TMEM117: variants seen among roughly 807,000 people sequenced by gnomAD.
TMEM117 encodes transmembrane protein 117.
Under a neutral mutation model 52.4 loss-of-function variants are expected in TMEM117, and 27 were observed. The observed-to-expected ratio is 0.51, with a 90% CI of 0.38 to 0.71. The LOEUF (loss-of-function observed/expected upper bound fraction) is 0.71. Ranked by LOEUF, TMEM117 falls within the 30% of genes least tolerant of loss-of-function variation. The pLI, the probability that TMEM117 is intolerant of heterozygous loss-of-function variation, is 0.00. For synonymous variants in TMEM117, 215 were observed against 206.3 expected (o/e 1.04, Z -0.36); for missense variants, 556 against 630.5 (o/e 0.88, Z 1.26).
chr12:44,371,775 A>C (rs1951866659), intron 6 of TMEM117, among the ~76,000 whole-genome samples: 1 of 152,176 alleles, frequency 6.6e-6, no homozygotes, highest in South Asian at 2.1e-4. Flanking sequence ...AGATATCCTG[A>C]GACGATCTTG....
In TMEM117 at chr12:44,323,340, T is replaced by C. The variant is rs542337476; in HGVS notation, c.768+23601T>C. ...ACTAATACACTTGATTTTCTCCACA[T>C]CTTTCCCAACACTGAGTGTTAACTG... On this transcript the variant is annotated intron_variant, in intron 6 of 7. Transcript: ENST00000266534. 2.6e-5 allele frequency among the ~76,000 whole-genome samples: 4 copies of C among 152,316 alleles called. No individual in the cohort carries two copies. In the South Asian group the frequency reaches 8.3e-4, roughly 32 times the overall value.
chr12:44,090,839 G>GTTTT (rs1264179472), intron 3 of TMEM117, among the ~76,000 whole-genome samples: 1,567 of 104,500 alleles, frequency 0.015, 223 homozygotes, highest in African/African-American at 0.058. Context: ...GTATTTATGT[G>GTTTT]TTTTTTTTTG....
At chr12:44,159,704 A>G (rs1316926062) in intron 4 of TMEM117, among the ~76,000 whole-genome samples, 4 of 152,192 alleles carry the variant, frequency 2.6e-5, no homozygotes, top group African/African-American at 9.7e-5. Context: ...TACCCTAAAC[A>G]TAAGTATATT....
intron 3 of TMEM117, among the ~76,000 whole-genome samples, chr12:43,958,081 A>G (rs1248795446): frequency 6.6e-6 from 1 of 152,206 alleles, no homozygotes; most frequent in Non-Finnish European, 1.5e-5. Flanking sequence ...GAGGAAATAC[A>G]TAGTGAACTC....
At chr12:44,387,962 T>C (rs1450318366) in intron 7 of TMEM117, 64 bp from the exon 8 acceptor site, 1 of 1,382,310 alleles carries the variant, frequency 7.2e-7, no homozygotes, top group African/African-American at 1.4e-5. Flanking sequence ...CTCATTTTAT[T>C]GTAGAAAACC....
At chr12:43,834,451 GA>G (rs1449620408), upstream of TMEM117, among the ~76,000 whole-genome samples, 1 of 152,054 alleles carries the variant, frequency 6.6e-6, no homozygotes, top group Non-Finnish European at 1.5e-5. Flanking sequence ...CGTAGTGGGA[GA>G]AAAAAGAAGT....
chr12:43,906,688 G>A (rs1944395072), intron 2 of TMEM117, among the ~76,000 whole-genome samples: 1 of 152,236 alleles, frequency 6.6e-6, no homozygotes, highest in African/African-American at 2.4e-5. Context: ...CTCAGGAAGT[G>A]CAAGGGGTCA....
intron 5 of TMEM117, among the ~76,000 whole-genome samples, chr12:44,299,253 C>T (rs1950807149): frequency 6.6e-6 from 1 of 151,850 alleles, no homozygotes; most frequent in Non-Finnish European, 1.5e-5. Flanking sequence ...GCCTCAGCCT[C>T]CCAAGTAGCT....
chr12:43,999,275 G>C (rs567962783), intron 3 of TMEM117, among the ~76,000 whole-genome samples: 2 of 152,270 alleles, frequency 1.3e-5, no homozygotes, highest in African/African-American at 4.8e-5. Context: ...ACTCCTGTTT[G>C]TGTGTCATGC....
chr12:43,850,904 A>C (rs1408035449), intron 2 of TMEM117, among the ~76,000 whole-genome samples: 3 of 152,134 alleles, frequency 2.0e-5, no homozygotes, highest in African/African-American at 7.2e-5. Context: ...TGTTGTGTGT[A>C]TGTTGGGAGG....
chr12:44,097,893 A>G (rs1009994560), intron 3 of TMEM117, among the ~76,000 whole-genome samples: 1 of 151,902 alleles, frequency 6.6e-6, no homozygotes, highest in African/African-American at 2.4e-5. Flanking sequence ...AAATACAGTA[A>G]TCTGGAATAG....
intron 6 of TMEM117, among the ~76,000 whole-genome samples, chr12:44,368,673 C>G (rs138895668): frequency 6.6e-6 from 1 of 152,048 alleles, no homozygotes; most frequent in East Asian, 1.9e-4. Context: ...GCAGCATGTG[C>G]GGAGCCAGAA....
At chr12:44,296,890 C>A (rs539591366) in intron 5 of TMEM117, among the ~76,000 whole-genome samples, 22 of 152,164 alleles carry the variant, frequency 1.4e-4, no homozygotes, top group Non-Finnish European at 2.8e-4. Context: ...TAGCCAAGTT[C>A]ATAGGGGGCT....
At chr12:43,932,636 C>T (rs1455597251) in intron 2 of TMEM117, among the ~76,000 whole-genome samples, 1 of 152,150 alleles carries the variant, frequency 6.6e-6, no homozygotes, top group East Asian at 1.9e-4. Context: ...TCAGCTTTCT[C>T]ATTTATTAAT....
intron 3 of TMEM117, among the ~76,000 whole-genome samples, chr12:44,025,770 A>T (rs1946523415): frequency 6.6e-6 from 1 of 152,226 alleles, no homozygotes; most frequent in Non-Finnish European, 1.5e-5. Context: ...TTTAAATATG[A>T]TAACAGATGG....
At chr12:43,939,252 GGGCCAAATCATATATAGGTT>G (rs1438460191) in intron 2 of TMEM117, among the ~76,000 whole-genome samples, 1 of 152,050 alleles carries the variant, frequency 6.6e-6, no homozygotes, top group Admixed American at 6.6e-5. Flanking sequence ...ATATATGGGT[GGGCCAAATCATATATAGGTT>G]GGCCAAATCA....
At chr12:43,944,687 A>T (rs1565762472) in intron 3 of TMEM117, among the ~76,000 whole-genome samples, 1 of 152,166 alleles carries the variant, frequency 6.6e-6, no homozygotes, top group Non-Finnish European at 1.5e-5. Context: ...TGGGGCTAAG[A>T]TGAAGGTTTC....
intron 2 of TMEM117, among the ~76,000 whole-genome samples, chr12:43,845,526 A>C (rs1489902109): frequency 6.6e-6 from 1 of 150,902 alleles, no homozygotes; most frequent in Non-Finnish European, 1.5e-5. Context: ...TCATTTTTTA[A>C]AAACTTTTTT....
intron 6 of TMEM117, among the ~76,000 whole-genome samples, chr12:44,355,771 A>AAGC (rs142003266): frequency 0.019 from 2,921 of 152,168 alleles, 97 homozygotes; most frequent in African/African-American, 0.067. Flanking sequence ...GCACCAGAAT[A>AAGC]AGCAGGGGTA....
Sources: allele counts gnomAD v4.1 joint callset (sites outside exome capture counted in the v4.1 genomes callset), GRCh38; gene constraint gnomAD v4.1.1; transcripts MANE v1.5; gene names NCBI Gene and HGNC (gene_info 2026-07-23, HGNC 2026-07-21).